Variants in PRKAB2 observed in about 807,000 individuals in gnomAD.
PRKAB2 encodes protein kinase AMP-activated non-catalytic subunit beta 2.
In PRKAB2, 18 loss-of-function variants were observed where a neutral mutation model predicts 29.8. The observed-to-expected ratio is 0.60, with a 90% CI of 0.42 to 0.89. PRKAB2 has a LOEUF of 0.89. PRKAB2 is among the 40% of genes least tolerant of loss of function. The pLI is 0.00. For synonymous variants in PRKAB2, 136 were observed against 125.9 expected, an observed-to-expected ratio of 1.08 and a Z score of -0.54; for missense variants, 270 against 344.3, an observed-to-expected ratio of 0.78 and a Z score of 1.71.
intron 7 of PRKAB2, chr1:147,160,777 G>C (rs1401639874): frequency 6.6e-6 from 1 of 152,164 alleles, no homozygotes; most frequent in Non-Finnish European, 1.5e-5. Context: ...GACCTCAGCA[G>C]TCCTGTCTCT....
In PRKAB2 at chr1:147,172,031, C is replaced by A. The variant is rs782564822; in HGVS notation, c.114G>T (p.Gly38=). Residue 38 remains glycine, a synonymous_variant, in exon 2 of 8, where the codon GGG becomes GGT. Coordinates refer to ENST00000254101, the MANE Select transcript of PRKAB2 (RefSeq NM_005399.5). ...APGKEHKIMV[G]STDDPSVFSL... ...TGAACACGCTGGGGTCGTCCGTACT[C>A]CCCACCATGATCTTGTGCTCCTTCC... The A allele has an allele frequency of 6.3e-7, 1 of 1,595,942 alleles. No homozygotes were observed. Among genetic ancestry groups the A allele is most frequent in the East Asian group, 2.3e-5 (1 of 43,516 alleles).
In PRKAB2 at chr1:147,155,874, T is replaced by C. The variant is rs1653648291; in HGVS notation, c.*3691A>G. The stretch of plus-strand genomic sequence containing the variant: ...CTCTACAAGTAATAGACTTGAGTTT[T>C]TCTCTTTTTTCCCTTCTTTCTTATA... On this transcript the variant is annotated 3_prime_UTR_variant, in exon 8 of 8. Transcript: ENST00000254101. 6.6e-6 allele frequency: 1 copy of C among 152,544 alleles called. No individual in the cohort carries two copies. The allele number at this position is 152,544 out of a possible 1,614,324, so 9.4% of individuals were successfully genotyped here. A position where few individuals can be genotyped will look rare whatever the true frequency, so the allele number is the denominator to read the frequency against.
intron 2 of PRKAB2, among the ~76,000 whole-genome samples, chr1:147,169,190 T>A (rs587611202): frequency 1.8e-4 from 27 of 152,142 alleles, no homozygotes; most frequent in South Asian, 4.1e-4. Context: ...GGTTTTTTTT[T>A]AAAAAAAGGA....
chr1:147,160,763 A>G (rs1297072717), intron 7 of PRKAB2: 1 of 152,186 alleles, frequency 6.6e-6, no homozygotes, highest in Non-Finnish European at 1.5e-5. Context: ...GCATAGGAGG[A>G]CTGGACCTCA....
chr1:147,169,061 A>G (rs1325964936), intron 2 of PRKAB2, among the ~76,000 whole-genome samples: 1 of 152,192 alleles, frequency 6.6e-6, no homozygotes, highest in Non-Finnish European at 1.5e-5. Flanking sequence ...AGTCTAAACT[A>G]TTTACTATCT....
chr1:147,167,032 T>A, intron 3 of PRKAB2, 93 bp from the exon 4 acceptor site: 1 of 1,039,848 alleles, frequency 9.6e-7, no homozygotes, highest in Non-Finnish European at 1.4e-6. Context: ...ATATGAATAA[T>A]TTCCCAGATT....
chr1:147,166,396 CT>C (rs1207036420), intron 5 of PRKAB2, 101 bp downstream of exon 5: 1 of 1,295,108 alleles, frequency 7.7e-7, no homozygotes, highest in Non-Finnish European at 1.0e-6. Context: ...CCCCAACCCC[CT>C]GCTCTCTCTC....
At chr1:147,163,001 G>T (rs775654673) in intron 5 of PRKAB2, among the ~76,000 whole-genome samples, 1 of 152,162 alleles carries the variant, frequency 6.6e-6, no homozygotes, top group Non-Finnish European at 1.5e-5. Flanking sequence ...AATGGGAAAA[G>T]ATTAGATTTT....
At chr1:147,171,622 C>G (rs1178610543) in intron 2 of PRKAB2, among the ~76,000 whole-genome samples, 1 of 152,176 alleles carries the variant, frequency 6.6e-6, no homozygotes, top group Non-Finnish European at 1.5e-5. Flanking sequence ...TGGTCAGCAA[C>G]TCGTGCAACC....
chr1:147,162,742 T>C (rs1035781722), intron 5 of PRKAB2, among the ~76,000 whole-genome samples, 169 bp from the exon 6 acceptor site: 3 of 151,800 alleles, frequency 2.0e-5, no homozygotes, highest in Admixed American at 6.6e-5. Context: ...AAAATCTGAG[T>C]CCCCTGGACA....
intron 2 of PRKAB2, among the ~76,000 whole-genome samples, chr1:147,168,210 TA>T (rs1235606896): frequency 6.1e-5 from 9 of 148,352 alleles, no homozygotes; most frequent in Non-Finnish European, 9.0e-5. Context: ...GACTCTCCCT[TA>T]AAAAAAAAAG....
chr1:147,167,884 G>T lies in PRKAB2; in HGVS notation c.206C>A (p.Ser69Tyr), dbSNP rs1654329879. The T allele has an allele frequency of 6.2e-7, 1 of 1,614,002 alleles. No homozygotes were observed. The highest frequency in any genetic ancestry group is 1.7e-5 in the Admixed American group (1 of 59,998). ...CCGGGCCTGCTGTGTGGGCTTTACG[G>T]AGTCCTCCAAATCCTGCTGCCATGA... is the stretch of plus-strand genomic sequence containing the variant. ...FVSWQQDLEDSVKPTQQARPT... is the reference protein window; with the variant it reads ...FVSWQQDLEDYVKPTQQARPT... The change falls in exon 3 of 8, where the codon TCC (serine) becomes TAC (tyrosine). Residue 69 changes from serine (S) to tyrosine (Y), a missense_variant. Transcript: ENST00000254101.
chr1:147,172,211 G>A (rs1654682046), intron 1 of PRKAB2, 44 bp from the exon 2 acceptor site: 5 of 1,458,832 alleles, frequency 3.4e-6, no homozygotes, highest in African/African-American at 2.9e-5. Context: ...CTCAGCCGCC[G>A]CGTCAGGGGC....
At chr1:147,163,272 T>C (rs1291837418) in intron 5 of PRKAB2, among the ~76,000 whole-genome samples, 2 of 152,252 alleles carry the variant, frequency 1.3e-5, no homozygotes, top group Non-Finnish European at 2.9e-5. Flanking sequence ...CCAGCCACTT[T>C]GGAAAACAGT....
At position 147,172,153 on chromosome 1, in the gene PRKAB2, C is replaced by G; in HGVS notation, c.-9G>C. On this transcript the variant is annotated 5_prime_UTR_variant, in exon 2 of 8. Coordinates refer to ENST00000254101, the MANE Select transcript of PRKAB2 (RefSeq NM_005399.5). ...CTGGTGGTGTTTCCCATGGCTGCAG[C>G]TCGTCGGGGACCACCTACCGCGGGG... The G allele has an allele frequency of 6.5e-7, 1 of 1,543,296 alleles. No individual in the cohort carries two copies. The highest frequency in any genetic ancestry group is 8.7e-7 in the Non-Finnish European group (1 of 1,144,158).
At chr1:147,166,709 T>C in intron 4 of PRKAB2, 91 bp from the exon 5 acceptor site, 1 of 1,572,942 alleles carries the variant, frequency 6.4e-7, no homozygotes, top group Non-Finnish European at 8.7e-7. Context: ...TTTACACGAT[T>C]GTTCTCAGCA....
At chr1:147,165,273 G>A (rs587693240) in intron 5 of PRKAB2, among the ~76,000 whole-genome samples, 2 of 152,254 alleles carry the variant, frequency 1.3e-5, no homozygotes, top group South Asian at 2.1e-4. Flanking sequence ...TCATCCACCC[G>A]CCTCGGTCTC....
rs1321110043 is a variant in PRKAB2, at chr1:147,158,532, A to G, written c.*1033T>C. 1 of 152,152 alleles carries G rather than the reference A, an allele frequency of 6.6e-6. No homozygotes were observed. Among genetic ancestry groups the G allele is most frequent in the African/African-American group, 2.4e-5 (1 of 41,428 alleles). 9.4% of individuals were successfully genotyped at this position (152,152 alleles called of 1,614,324 possible). On this transcript the variant is annotated 3_prime_UTR_variant, in exon 8 of 8. Coordinates refer to ENST00000254101, the MANE Select transcript of PRKAB2 (RefSeq NM_005399.5). Reference sequence around the variant, plus strand: ...TTTATCAAAAGCCTGAAATTCTCCAATGCGGTCTCTTAAGACCAATGAAAA... The same window carrying G: ...TTTATCAAAAGCCTGAAATTCTCCAGTGCGGTCTCTTAAGACCAATGAAAA...
chr1:147,159,173 A>G lies in PRKAB2; in HGVS notation c.*392T>C, dbSNP rs1653821599. ...AGCCCATTCCTTGGAGAGCCAAGGT[A>G]GCAGTGATAGAATCTCCACCCAACA... On this transcript the variant is annotated 3_prime_UTR_variant, in exon 8 of 8. Transcript: ENST00000254101. 5.5e-6 allele frequency: 1 copy of G among 182,470 alleles called. No homozygotes were observed. Among genetic ancestry groups the G allele is most frequent in the Non-Finnish European group, 1.2e-5 (1 of 85,748 alleles). 11.3% of individuals were successfully genotyped at this position (182,470 alleles called of 1,614,324 possible). A position where few individuals can be genotyped will look rare whatever the true frequency, so the allele number is the denominator to read the frequency against.
Sources: gnomAD v4.1 joint callset for allele counts (sites outside exome capture counted in the v4.1 genomes callset) on GRCh38, gnomAD v4.1.1 for gene constraint, MANE v1.5 for transcripts, NCBI Gene and HGNC (gene_info 2026-07-23, HGNC 2026-07-21) for gene names.